Variants in ZNF155 observed in about 807,000 individuals in gnomAD.
The protein encoded by ZNF155 is zinc finger protein 155.
In ZNF155, 15 loss-of-function variants were observed where a neutral mutation model predicts 11.9. The observed-to-expected ratio is 1.26, with a 90% CI of 0.84 to 1.94. The LOEUF (loss-of-function observed/expected upper bound fraction) is 1.94. ZNF155 is among the 30% of genes most tolerant of loss of function. ZNF155 has a pLI of 0.00. For synonymous variants in ZNF155, 212 were observed against 219.9 expected (o/e 0.96, Z 0.32); for missense variants, 602 against 639.1 (o/e 0.94, Z 0.63).
chr19:43,996,312 A>G lies in ZNF155; in HGVS notation c.455A>G (p.Lys152Arg). The G allele has an allele frequency of 6.2e-7, 1 of 1,614,186 alleles. No homozygotes were observed. Among genetic ancestry groups the G allele is most frequent in the East Asian group, 2.2e-5 (1 of 44,882 alleles). Reference sequence around the variant, plus strand: ...GGACAGAAACCTTCCCAGGGTGGGAAGTGTAAACAGTCCATCAGTGATGTT... The same window carrying G: ...GGACAGAAACCTTCCCAGGGTGGGAGGTGTAAACAGTCCATCAGTGATGTT... Reference protein sequence around the residue: ...HTGQKPSQGGKCKQSISDVPI... With the variant: ...HTGQKPSQGGRCKQSISDVPI... The change falls in exon 5 of 5, where the codon AAG (lysine) becomes AGG (arginine). Residue 152 changes from lysine to arginine, a missense_variant. Coordinates refer to ENST00000270014, the MANE Select transcript of ZNF155 (RefSeq NM_198089.3).
rs750849930 is a variant in ZNF155, at chr19:43,991,822, G to A, written c.143-20G>A. 4.6e-5 allele frequency: 74 copies of A among 1,611,158 alleles called. No homozygotes were observed. Among genetic ancestry groups the A allele is most frequent in the Middle Eastern group, 1.7e-4 (1 of 6,060 alleles). On this transcript the variant is annotated intron_variant, in intron 3 of 4. Coordinates refer to ENST00000270014, the MANE Select transcript of ZNF155 (RefSeq NM_198089.3). ...CCCAGAATGTGTTGGGATTCAGCAC[G>A]TGACCTTACCTATTCACAGGGCATC...
intron 2 of ZNF155, chr19:43,988,849 TG>T (rs1975555554): frequency 3.2e-6 from 1 of 313,692 alleles, no homozygotes; most frequent in African/African-American, 2.2e-5. Flanking sequence ...TCTTCTCTGC[TG>T]TTCGTCATGT....
At position 43,998,016 on chromosome 19, in the gene ZNF155, G is replaced by A. The variant is rs442220; in HGVS notation, c.*542G>A. ...CCAGCCTCTGTAAATCATCACTTCA[G>A]CTCCTGATTGGTCCCAGGCCAAGCT... On this transcript the variant is annotated 3_prime_UTR_variant, in exon 5 of 5. Transcript: ENST00000270014. 0.2 allele frequency: 21,488 copies of A among 109,664 alleles called. 2,237 individuals carry two copies. The highest frequency in any genetic ancestry group is 0.59 in the East Asian group (2,678 of 4,510). 6.8% of individuals were successfully genotyped at this position (109,664 alleles called of 1,614,324 possible). A position where few individuals can be genotyped will look rare whatever the true frequency, so the allele number is the denominator to read the frequency against.
chr19:43,995,974 A>T, intron 4 of ZNF155, 119 bp from the exon 5 acceptor site: 13 of 1,333,994 alleles, frequency 9.7e-6, no homozygotes, highest in Non-Finnish European at 1.3e-5. Flanking sequence ...GTACTTGGAA[A>T]ACAAACTGAA....
At chr19:43,991,179 A>G (rs1975646299) in intron 2 of ZNF155, among the ~76,000 whole-genome samples, 1 of 152,196 alleles carries the variant, frequency 6.6e-6, no homozygotes, top group African/African-American at 2.4e-5. Flanking sequence ...AGTACGAGAG[A>G]GGAGGACCCA....
Position 43,991,835 on chromosome 19 carries a change from T to G in ZNF155, c.143-7T>G. The G allele has an allele frequency of 6.2e-7, 1 of 1,612,902 alleles. No individual in the cohort carries two copies. Among genetic ancestry groups the G allele is most frequent in the South Asian group, 1.1e-5 (1 of 90,956 alleles). On this transcript the variant is annotated splice_polypyrimidine_tract_variant and splice_region_variant and intron_variant, in intron 3 of 4. Coordinates refer to ENST00000270014, the MANE Select transcript of ZNF155 (RefSeq NM_198089.3). ...GGGATTCAGCACGTGACCTTACCTA[T>G]TCACAGGGCATCAACCGTTCCACCA...
rs192591126 is a variant in ZNF155 at position 43,986,236 on chromosome 19, A to G, written c.-86+1991A>G. ...GTGAAGGTGCTAACTGTCTGATACA[A>G]GAGATGGAACTTCCAGTTCTCCTCC... On this transcript the variant is annotated intron_variant, in intron 1 of 4. Transcript: ENST00000270014. 2.4e-3 allele frequency among the ~76,000 whole-genome samples: 358 copies of G among 152,334 alleles called. 2 individuals are homozygous for G. The highest frequency in any genetic ancestry group is 7.8e-3 in the African/African-American group (325 of 41,574).
Position 43,991,873 on chromosome 19 carries a change from C to G in ZNF155, c.174C>G (p.His58Gln), listed in dbSNP as rs557632058. Residue 58 changes from histidine (H) to glutamine (Q), a missense_variant, in exon 4 of 5, where the codon CAC becomes CAG. His to Gln is a conservative substitution (Grantham distance 24). Transcript: ENST00000270014. ...GHQPFHQDTC[H>Q]FLREEKFWMM... ...AACCGTTCCACCAAGATACTTGCCA[C>G]TTCCTAAGGGAAGAAAAGTTTTGGA... 64 of 1,614,050 alleles carry G rather than the reference C, an allele frequency of 4.0e-5. No individual in the cohort carries two copies. The highest frequency in any genetic ancestry group is 5.2e-5 in the Non-Finnish European group (61 of 1,179,954).
At chr19:43,994,604 T>G (rs1321808548) in intron 4 of ZNF155, among the ~76,000 whole-genome samples, 1 of 152,214 alleles carries the variant, frequency 6.6e-6, no homozygotes, top group African/African-American at 2.4e-5. Context: ...AACATGTATA[T>G]TATACTTAGA....
chr19:43,989,471 C>G (rs577923111), intron 2 of ZNF155, among the ~76,000 whole-genome samples: 1 of 152,170 alleles, frequency 6.6e-6, no homozygotes, highest in Non-Finnish European at 1.5e-5. Context: ...ATATGAGAAA[C>G]CTTCTCAGGT....
intron 1 of ZNF155, among the ~76,000 whole-genome samples, chr19:43,987,040 G>A (rs923992778): frequency 6.6e-6 from 1 of 152,034 alleles, no homozygotes; most frequent in African/African-American, 2.4e-5. Flanking sequence ...GAAAGGGCAG[G>A]TTATAGGGTC....
Position 43,997,380 on chromosome 19 carries a change from G to T in ZNF155, c.1523G>T (p.Gly508Val). 3.1e-6 allele frequency: 5 copies of T among 1,613,680 alleles called. No homozygotes were observed. Among genetic ancestry groups the T allele is most frequent in the Non-Finnish European group, 4.2e-6 (5 of 1,179,754 alleles). Residue 508 changes from glycine to valine, a missense_variant, in exon 5 of 5, where the codon GGG becomes GTG. Physicochemically the swap from Gly to Val is moderately radical, Grantham distance 109. Transcript: ENST00000270014. The stretch of plus-strand genomic sequence containing the variant: ...AAAGACCAGCCGAGAGACTATAGTG[G>T]GGAAAACCCATCCAAATGTGAGGAT... ...YRKDQPRDYSGENPSKCEDCG... is the reference protein window; with the variant it reads ...YRKDQPRDYSVENPSKCEDCG...
In ZNF155 at chr19:43,996,091, A is replaced by C. The variant is rs1315575842; in HGVS notation, c.236-2A>C. On this transcript the variant is annotated splice_acceptor_variant, in intron 4 of 4. Coordinates refer to ENST00000270014, the MANE Select transcript of ZNF155 (RefSeq NM_198089.3). LOFTEE classifies it high-confidence loss of function. ...ACATCTCTTAAATCTGTGTCTTTATAGGAGGCAAGATCCAAACTGAGTTGG... is the reference window on the plus strand; with the variant it reads ...ACATCTCTTAAATCTGTGTCTTTATCGGAGGCAAGATCCAAACTGAGTTGG... 6.3e-7 allele frequency: 1 copy of C among 1,593,562 alleles called. No homozygotes were observed. The highest frequency in any genetic ancestry group is 8.5e-7 in the Non-Finnish European group (1 of 1,169,608).
chr19:43,989,569 G>A (rs747020615), intron 2 of ZNF155, among the ~76,000 whole-genome samples: 14 of 152,152 alleles, frequency 9.2e-5, no homozygotes, highest in Non-Finnish European at 1.9e-4. Context: ...TCTCCATTGA[G>A]CAACCTGTGC....
intron 1 of ZNF155, among the ~76,000 whole-genome samples, chr19:43,985,174 T>C (rs1027474457): frequency 1.3e-5 from 2 of 151,966 alleles, no homozygotes; most frequent in Non-Finnish European, 1.5e-5. Context: ...CGATTCTCTG[T>C]CCTCAGCTCC....
intron 2 of ZNF155, chr19:43,990,049 T>A (rs758906704): frequency 6.6e-7 from 1 of 1,512,130 alleles, no homozygotes; most frequent in Non-Finnish European, 8.8e-7. Flanking sequence ...GGAATACTTA[T>A]AACCTGCTCT....
At chr19:43,985,907 C>T (rs1568486263) in intron 1 of ZNF155, among the ~76,000 whole-genome samples, 1 of 152,128 alleles carries the variant, frequency 6.6e-6, no homozygotes, top group Non-Finnish European at 1.5e-5. Flanking sequence ...TGAGGTACAG[C>T]TGGAGCTGGA....
intron 2 of ZNF155, among the ~76,000 whole-genome samples, chr19:43,989,204 ATAT>A (rs1047799698): frequency 3.6e-4 from 55 of 152,306 alleles, no homozygotes; most frequent in Non-Finnish European, 7.3e-4. Context: ...CACCACACAA[ATAT>A]TGTTGGAGTT....
intron 1 of ZNF155, among the ~76,000 whole-genome samples, chr19:43,988,183 A>C (rs116030072): frequency 6.6e-6 from 1 of 152,110 alleles, no homozygotes; most frequent in Non-Finnish European, 1.5e-5. Flanking sequence ...TATTCTCTCT[A>C]TATACCATTA....
Sources: allele counts gnomAD v4.1 joint callset (sites outside exome capture counted in the v4.1 genomes callset), GRCh38; gene constraint gnomAD v4.1.1; transcripts MANE v1.5; gene names NCBI Gene and HGNC (gene_info 2026-07-23, HGNC 2026-07-21).